Variants in MPIG6B observed in about 807,000 individuals in gnomAD.
MPIG6B encodes megakaryocyte and platelet inhibitory receptor G6b, also known as immunoglobulin receptor.
Under a neutral mutation model 24.2 loss-of-function variants are expected in MPIG6B, and 22 were observed. The observed-to-expected ratio is 0.91, with a 90% CI of 0.65 to 1.30. MPIG6B has a LOEUF of 1.30. Ranked by LOEUF, MPIG6B falls within the 50% of genes most tolerant of loss-of-function variation. The pLI is 0.00. For synonymous variants in MPIG6B, 136 were observed against 142.0 expected, an observed-to-expected ratio of 0.96 and a Z score of 0.30; for missense variants, 301 against 318.5, an observed-to-expected ratio of 0.94 and a Z score of 0.42.
Position 31,723,671 on chromosome 6 carries a change from A to G in MPIG6B, c.94A>G (p.Asn32Asp). 6.3e-7 allele frequency: 1 copy of G among 1,590,500 alleles called. No homozygotes were observed. The highest frequency in any genetic ancestry group is 8.6e-7 in the Non-Finnish European group (1 of 1,168,660). Residue 32 changes from asparagine to aspartate, a missense_variant, in exon 2 of 6, where the codon AAT becomes GAT. By Grantham distance (23) the Asn-to-Asp change is conservative. Coordinates refer to ENST00000649779, the MANE Select transcript of MPIG6B (RefSeq NM_138272.3). This position sits in a 1 kb window ranked among gnomAD's most constrained non-coding sequence, Gnocchi z 4.3. Reference sequence around the variant, plus strand: ...GGACGGCCGCCCTGGGGACCGGGTGAATCTCTCCTGCGGAGGAGTCTCTCA... The same window carrying G: ...GGACGGCCGCCCTGGGGACCGGGTGGATCTCTCCTGCGGAGGAGTCTCTCA... ...SLDGRPGDRV[N>D]LSCGGVSHPI...
At chr6:31,724,106 A>T (rs1239580690) in intron 2 of MPIG6B, 36 bp from the exon 3 acceptor site, 1 of 1,592,860 alleles carries the variant, frequency 6.3e-7, no homozygotes, top group Non-Finnish European at 8.6e-7. Flanking sequence ...CAAACCCCTG[A>T]CCTCAGCATC....
At position 31,725,906 on chromosome 6, in the gene MPIG6B, T is replaced by A. The variant is rs1405410012; in HGVS notation, c.*832T>A. The A allele has an allele frequency of 6.6e-6, 1 of 152,350 alleles. No homozygotes were observed. Among genetic ancestry groups the A allele is most frequent in the African/African-American group, 2.4e-5 (1 of 41,436 alleles). The allele number at this position is 152,350 out of a possible 1,614,324, so 9.4% of individuals were successfully genotyped here. A position where few individuals can be genotyped will look rare whatever the true frequency, so the allele number is the denominator to read the frequency against. The stretch of plus-strand genomic sequence containing the variant: ...CACTCTGAATGTCAAACCCAACTCA[T>A]TGTCATCTCTGAAGCTGCTCACTTA... On this transcript the variant is annotated 3_prime_UTR_variant, in exon 6 of 6. Coordinates refer to ENST00000649779, the MANE Select transcript of MPIG6B (RefSeq NM_138272.3). This position sits in a 1 kb window ranked among gnomAD's most constrained non-coding sequence, Gnocchi z 5.2.
At chr6:31,724,055 T>C in intron 2 of MPIG6B, 69 bp downstream of exon 2, 1 of 1,572,778 alleles carries the variant, frequency 6.4e-7, no homozygotes, top group South Asian at 1.2e-5. Flanking sequence ...AAGAGGGCCT[T>C]GGCTGGGGGT....
At chr6:31,724,734 T>C in intron 4 of MPIG6B, 31 bp from the exon 5 acceptor site, 1 of 1,613,686 alleles carries the variant, frequency 6.2e-7, no homozygotes, top group Non-Finnish European at 8.5e-7. Flanking sequence ...TCACCTTCTC[T>C]CCATCCTTCA....
chr6:31,720,446 C>T (rs1370187596), upstream of MPIG6B, among the ~76,000 whole-genome samples: 1 of 152,110 alleles, frequency 6.6e-6, no homozygotes, highest in Non-Finnish European at 1.5e-5. This position sits in a 1 kb window ranked among gnomAD's most constrained non-coding sequence, Gnocchi z 4.9. Context: ...TTCCATCACT[C>T]CACCCCGTTT....
At chr6:31,721,751 G>C, upstream of MPIG6B, 2 of 1,527,554 alleles carry the variant, frequency 1.3e-6, no homozygotes. Context: ...AGCTCTAGGA[G>C]TTGAGTGGCC....
At position 31,723,484 on chromosome 6, in the gene MPIG6B, G is replaced by C. The variant is rs1444064116; in HGVS notation, c.61+40G>C. On this transcript the variant is annotated intron_variant, in intron 1 of 5. Transcript: ENST00000649779. The surrounding 1 kb of genome is among the most constrained non-coding windows in gnomAD (Gnocchi z 4.3). ...GGAGAGTTGTGATAGACGCAGAGGG[G>C]CTGAAGCAAGATAAGGGCCGCCTAG... The C allele has an allele frequency of 8.8e-6, 14 of 1,586,662 alleles. No individual in the cohort carries two copies. Among genetic ancestry groups the C allele is most frequent in the Non-Finnish European group, 1.2e-5 (14 of 1,156,530 alleles).
chr6:31,724,329 C>A (rs2151299944), intron 3 of MPIG6B, 97 bp downstream of exon 3: 1 of 1,084,766 alleles, frequency 9.2e-7, no homozygotes, highest in Non-Finnish European at 1.4e-6. Flanking sequence ...AGACCTAGAG[C>A]TCTGGTCCTG....
At position 31,725,171 on chromosome 6, in the gene MPIG6B, C is replaced by T; in HGVS notation, c.*97C>T. The stretch of plus-strand genomic sequence containing the variant: ...TTCCTCACCTGGAAGAGGAAGGCAC[C>T]ATGGTATAGAAATAAGTGCTAGACT... On this transcript the variant is annotated 3_prime_UTR_variant, in exon 6 of 6. Transcript: ENST00000649779. This position sits in a 1 kb window ranked among gnomAD's most constrained non-coding sequence, Gnocchi z 5.2. The T allele has an allele frequency of 1.2e-6, 1 of 868,682 alleles. No homozygotes were observed. Among genetic ancestry groups the T allele is most frequent in the Non-Finnish European group, 1.9e-6 (1 of 539,192 alleles). The allele number at this position is 868,682 out of a possible 1,614,324, so 53.8% of individuals were successfully genotyped here.
chr6:31,720,537 G>T (rs1314780649), upstream of MPIG6B, among the ~76,000 whole-genome samples: 1 of 152,168 alleles, frequency 6.6e-6, no homozygotes, highest in Non-Finnish European at 1.5e-5. This position sits in a 1 kb window ranked among gnomAD's most constrained non-coding sequence, Gnocchi z 4.9. Context: ...ATACCATGGG[G>T]AAAGAATGTG....
upstream of MPIG6B, chr6:31,723,349 A>G: frequency 6.3e-7 from 1 of 1,594,172 alleles, no homozygotes; most frequent in East Asian, 2.3e-5. The surrounding 1 kb of genome is among the most constrained non-coding windows in gnomAD (Gnocchi z 4.3). Flanking sequence ...CACGCCGCTG[A>G]TTCGCTCGCA....
rs746054294 is a variant in MPIG6B at position 31,724,758 on chromosome 6, C to CA, written c.542-6dup. 12 of 1,614,048 alleles carry CA rather than the reference C, an allele frequency of 7.4e-6. No homozygotes were observed. Among genetic ancestry groups the CA allele is most frequent in the Non-Finnish European group, 9.3e-6 (11 of 1,179,954 alleles). ...CTCCATCCTTCAGCTCTGTCCCCCC[C>CA]ACATAGCTCCACTTGTGAAAACCGA... On this transcript the variant is annotated splice_polypyrimidine_tract_variant and splice_region_variant and intron_variant, in intron 4 of 5. Transcript: ENST00000649779.
Position 31,723,848 on chromosome 6 carries a change from A to G in MPIG6B, c.271A>G (p.Ile91Val), listed in dbSNP as rs752572699. Residue 91 changes from isoleucine to valine, a missense_variant, in exon 2 of 6, where the codon ATC becomes GTC. Ile to Val is a conservative substitution (Grantham distance 29). Coordinates refer to ENST00000649779, the MANE Select transcript of MPIG6B (RefSeq NM_138272.3). This position sits in a 1 kb window ranked among gnomAD's most constrained non-coding sequence, Gnocchi z 4.3. ...CCGCCTACGCTCCCTGGACTCTGGT[A>G]TCCGGCGGCTGGAGCTCCTCTTGAG... ...VGRLRSLDSGIRRLELLLSAG... is the reference protein window; with the variant it reads ...VGRLRSLDSGVRRLELLLSAG... 1 of 1,610,416 alleles carries G rather than the reference A, an allele frequency of 6.2e-7. No homozygotes were observed. Among genetic ancestry groups the G allele is most frequent in the African/African-American group, 1.3e-5 (1 of 74,754 alleles).
Position 31,724,144 on chromosome 6 carries a change from T to A in MPIG6B, c.412T>A (p.Ser138Thr), listed in dbSNP as rs755446480. The A allele has an allele frequency of 6.2e-7, 1 of 1,612,122 alleles. No individual in the cohort carries two copies. The highest frequency in any genetic ancestry group is 8.5e-7 in the Non-Finnish European group (1 of 1,179,516). ...YCKAPGPTHG[S>T]VYPQLLIPLL... ...TCCCCGCCACGCCTTTCCCCCAGGG[T>A]CCGTGTATCCCCAGCTCCTGATCCC... Residue 138 changes from serine (S) to threonine (T), a missense_variant and splice_region_variant, in exon 3 of 6, where the codon TCC (serine) becomes ACC (threonine). Ser to Thr is a moderately conservative substitution (Grantham distance 58). Coordinates refer to ENST00000649779, the MANE Select transcript of MPIG6B (RefSeq NM_138272.3).
chr6:31,723,851 C>CG lies in MPIG6B; in HGVS notation c.276dup (p.Arg93AlafsTer87), dbSNP rs1807060301. The CG allele has an allele frequency of 6.2e-7, 1 of 1,610,276 alleles. No individual in the cohort carries two copies. The highest frequency in any genetic ancestry group is 8.5e-7 in the Non-Finnish European group (1 of 1,178,590). On this transcript the variant is annotated frameshift_variant, in exon 2 of 6. Coordinates refer to ENST00000649779, the MANE Select transcript of MPIG6B (RefSeq NM_138272.3). LOFTEE classifies it high-confidence loss of function. The surrounding 1 kb of genome is among the most constrained non-coding windows in gnomAD (Gnocchi z 4.3). ...CCTACGCTCCCTGGACTCTGGTATC[C>CG]GGCGGCTGGAGCTCCTCTTGAGCGC...
upstream of MPIG6B, chr6:31,720,944 T>C (rs1002799794): frequency 6.6e-6 from 1 of 152,278 alleles, no homozygotes; most frequent in Non-Finnish European, 1.5e-5. The surrounding 1 kb of genome is among the most constrained non-coding windows in gnomAD (Gnocchi z 4.9). Context: ...AAGAGCCTGG[T>C]AAGTGTACCT....
At position 31,726,203 on chromosome 6, in the gene MPIG6B, A is replaced by G. The variant is rs529364052; in HGVS notation, c.*1129A>G. On this transcript the variant is annotated 3_prime_UTR_variant, in exon 6 of 6. Transcript: ENST00000649779. This position sits in a 1 kb window ranked among gnomAD's most constrained non-coding sequence, Gnocchi z 5.1. ...TCAGAGAGATCCTACTCAAGAGATA[A>G]CTGCTCCTGACAGCCCTTATTACAG... is the stretch of plus-strand genomic sequence containing the variant. The G allele has an allele frequency of 6.6e-6, 1 of 152,414 alleles. No individual in the cohort carries two copies. Among genetic ancestry groups the G allele is most frequent in the East Asian group, 1.9e-4 (1 of 5,186 alleles). 9.4% of individuals were successfully genotyped at this position (152,414 alleles called of 1,614,324 possible). A position where few individuals can be genotyped will look rare whatever the true frequency, so the allele number is the denominator to read the frequency against.
rs1419161006 is a variant in MPIG6B, at chr6:31,724,166, TC to T, written c.437del (p.Pro146ArgfsTer39). 18 of 1,613,162 alleles carry T rather than the reference TC, an allele frequency of 1.1e-5. No individual in the cohort carries two copies. The highest frequency in any genetic ancestry group is 1.5e-5 in the Non-Finnish European group (18 of 1,179,916). On this transcript the variant is annotated frameshift_variant, in exon 3 of 6. Coordinates refer to ENST00000649779, the MANE Select transcript of MPIG6B (RefSeq NM_138272.3). LOFTEE classifies it high-confidence loss of function. ...THGSVYPQLLIPLLGAGLVLG... is the reference protein window; with the variant it reads ...THGSVYPQLLXPLLGAGLVLG... Reference sequence around the variant, plus strand: ...GGGTCCGTGTATCCCCAGCTCCTGATCCCGCTGCTGGGCGCTGGGTTGGTGC... The same window carrying T: ...GGGTCCGTGTATCCCCAGCTCCTGATCCGCTGCTGGGCGCTGGGTTGGTGC...
chr6:31,725,317 C>A lies in MPIG6B; in HGVS notation c.*243C>A. 2.0e-6 allele frequency: 1 copy of A among 488,762 alleles called. No homozygotes were observed. The highest frequency in any genetic ancestry group is 3.4e-5 in the East Asian group (1 of 29,638). 30.3% of individuals were successfully genotyped at this position (488,762 alleles called of 1,614,324 possible). On this transcript the variant is annotated 3_prime_UTR_variant, in exon 6 of 6. Transcript: ENST00000649779. This position sits in a 1 kb window ranked among gnomAD's most constrained non-coding sequence, Gnocchi z 5.2. ...CACCAGTGTCCTCTCTATACCCAAT[C>A]AAGCCCTAGCTCCTTTTTTTTTTTT...
Sources: allele counts gnomAD v4.1 joint callset (sites outside exome capture counted in the v4.1 genomes callset), GRCh38; gene constraint gnomAD v4.1.1; non-coding constraint Gnocchi (gnomAD v3.1); transcripts MANE v1.5; gene names NCBI Gene and HGNC (gene_info 2026-07-23, HGNC 2026-07-21).